Variants in GRIN3A observed in about 807,000 individuals in gnomAD.
The protein encoded by GRIN3A is glutamate ionotropic receptor NMDA type subunit 3A.
GRIN3A carries 47 observed loss-of-function variants against 92.4 expected under a neutral mutation model. The ratio of observed to expected loss-of-function variants is 0.51; its 90% CI spans 0.40 to 0.65. GRIN3A has a LOEUF of 0.65. Ranked by LOEUF, GRIN3A falls within the 30% of genes least tolerant of loss-of-function variation. GRIN3A has a pLI of 0.00. For synonymous variants in GRIN3A, 527 were observed against 540.6 expected, an observed-to-expected ratio of 0.97 and a Z score of 0.35; for missense variants, 1,324 against 1,393.1, an observed-to-expected ratio of 0.95 and a Z score of 0.79.
chr9:101,704,959 G>A lies in GRIN3A; in HGVS notation c.700-17759C>T, dbSNP rs75566288. Among the ~76,000 whole-genome samples the A allele has an allele frequency of 1.8e-3, 275 of 152,204 alleles. 1 individual carries two copies. Among genetic ancestry groups the A allele is most frequent in the African/African-American group, 6.1e-3 (255 of 41,534 alleles). On this transcript the variant is annotated intron_variant, in intron 1 of 8. Transcript: ENST00000361820. ...AATGAGCAAAACAGACATGTTCTCT[G>A]TCTTCCTGAGTCTCAAAAGGGAGGC... is the stretch of plus-strand genomic sequence containing the variant.
chr9:101,634,875 C>CG (rs1385735089), intron 3 of GRIN3A, among the ~76,000 whole-genome samples: 1 of 152,162 alleles, frequency 6.6e-6, no homozygotes, highest in Non-Finnish European at 1.5e-5. Flanking sequence ...AAGACACACT[C>CG]GGACTATCCT....
intron 8 of GRIN3A, among the ~76,000 whole-genome samples, chr9:101,575,168 C>A (rs1391417563): frequency 6.6e-6 from 1 of 152,204 alleles, no homozygotes; most frequent in African/African-American, 2.4e-5. Flanking sequence ...GGTTCTTTAA[C>A]ATGCCTCATA....
At chr9:101,642,580 C>T (rs982719747) in intron 3 of GRIN3A, among the ~76,000 whole-genome samples, 1 of 152,124 alleles carries the variant, frequency 6.6e-6, no homozygotes, top group Admixed American at 6.6e-5. Flanking sequence ...GCCATATACC[C>T]AAGCCATATC....
At chr9:101,735,712 A>G (rs1349014024) in intron 1 of GRIN3A, among the ~76,000 whole-genome samples, 4 of 151,926 alleles carry the variant, frequency 2.6e-5, no homozygotes, top group Admixed American at 1.3e-4. Context: ...CTGATTCTGC[A>G]TGTATATTAA....
At chr9:101,620,797 G>A (rs1828542029) in intron 5 of GRIN3A, among the ~76,000 whole-genome samples, 1 of 151,902 alleles carries the variant, frequency 6.6e-6, no homozygotes, top group Admixed American at 6.6e-5. Flanking sequence ...TACCTATACA[G>A]TCTAACTTAA....
intron 1 of GRIN3A, among the ~76,000 whole-genome samples, chr9:101,713,845 G>A (rs1442909310): frequency 2.0e-5 from 3 of 152,118 alleles, no homozygotes; most frequent in East Asian, 3.9e-4. Flanking sequence ...GGAGGCAGAG[G>A]TGGGAGGATT....
chr9:101,577,458 T>C (rs1827839603), intron 8 of GRIN3A, among the ~76,000 whole-genome samples: 1 of 152,288 alleles, frequency 6.6e-6, no homozygotes, highest in Admixed American at 6.5e-5. Flanking sequence ...ACTTTACAAA[T>C]GAGGAACTTG....
intron 5 of GRIN3A, among the ~76,000 whole-genome samples, chr9:101,622,995 A>AACACACACACAC (rs5899450): frequency 0.056 from 8,252 of 147,430 alleles, 287 homozygotes; most frequent in East Asian, 0.15. Context: ...CCTGCCACTA[A>AACACACACACAC]ACACACACAC....
At position 101,569,956 on chromosome 9, in the gene GRIN3A, G is replaced by A. The variant is rs988288900; in HGVS notation, c.*3218C>T. ...TGCTCCGCTTACCACTTTTCTGGCT[G>A]GAAGGGAAGCAGCAGCTCTTGATAG... On this transcript the variant is annotated 3_prime_UTR_variant, in exon 9 of 9. Transcript: ENST00000361820. The A allele has an allele frequency of 3.9e-5, 6 of 152,170 alleles. No individual in the cohort carries two copies. The highest frequency in any genetic ancestry group is 2.0e-4 in the Admixed American group (3 of 15,258). 9.4% of individuals were successfully genotyped at this position (152,170 alleles called of 1,614,324 possible). A position where few individuals can be genotyped will look rare whatever the true frequency, so the allele number is the denominator to read the frequency against.
chr9:101,689,908 G>T (rs1350801207), intron 1 of GRIN3A, among the ~76,000 whole-genome samples: 1 of 152,106 alleles, frequency 6.6e-6, no homozygotes, highest in Admixed American at 6.6e-5. Flanking sequence ...ATGGTTTGTT[G>T]TTTGCAAAAG....
chr9:101,635,561 G>T (rs1290697865), intron 3 of GRIN3A, among the ~76,000 whole-genome samples: 1 of 152,146 alleles, frequency 6.6e-6, no homozygotes, highest in Non-Finnish European at 1.5e-5. Context: ...AGTCATCTTT[G>T]CAGGTAAATA....
chr9:101,579,652 G>T (rs182475509), intron 6 of GRIN3A, among the ~76,000 whole-genome samples: 10 of 152,148 alleles, frequency 6.6e-5, no homozygotes, highest in Admixed American at 2.6e-4. Context: ...TGGGGACCCC[G>T]AAGAAACCTT....
chr9:101,582,548 G>A (rs1027496429), intron 6 of GRIN3A, among the ~76,000 whole-genome samples: 12 of 152,188 alleles, frequency 7.9e-5, no homozygotes, highest in African/African-American at 2.9e-4. Context: ...ACATCTCTGT[G>A]TGCAAATGGT....
intron 3 of GRIN3A, among the ~76,000 whole-genome samples, chr9:101,661,687 T>C (rs1829174015): frequency 6.6e-6 from 1 of 151,786 alleles, no homozygotes; most frequent in East Asian, 1.9e-4. Flanking sequence ...TGCAATAAGT[T>C]GTTGTCCACA....
intron 1 of GRIN3A, among the ~76,000 whole-genome samples, chr9:101,735,787 A>G (rs1830196765): frequency 6.6e-6 from 1 of 151,854 alleles, no homozygotes; most frequent in Admixed American, 6.6e-5. Context: ...AGCATTGTGT[A>G]TCTGTGTTTT....
chr9:101,686,370 G>T (rs944859284), intron 2 of GRIN3A, among the ~76,000 whole-genome samples: 3 of 152,080 alleles, frequency 2.0e-5, no homozygotes, highest in Non-Finnish European at 2.9e-5. Context: ...AGGTTTAAAG[G>T]CAGGATTGAG....
intron 1 of GRIN3A, among the ~76,000 whole-genome samples, chr9:101,722,503 A>G (rs919278953): frequency 2.0e-5 from 3 of 152,142 alleles, no homozygotes; most frequent in African/African-American, 7.2e-5. Context: ...CTTTTACCAT[A>G]TGCCTGGAAA....
At chr9:101,646,955 C>A (rs1202160913) in intron 3 of GRIN3A, among the ~76,000 whole-genome samples, 3 of 151,656 alleles carry the variant, frequency 2.0e-5, no homozygotes, top group Non-Finnish European at 4.4e-5. Context: ...GATAATTTGA[C>A]TTTTTCCTTT....
chr9:101,694,905 T>C (rs1188066016), intron 1 of GRIN3A, among the ~76,000 whole-genome samples: 2 of 152,162 alleles, frequency 1.3e-5, no homozygotes, highest in African/African-American at 4.8e-5. Context: ...AAAACCTTGG[T>C]CAGAACTTCA....
Sources: allele counts gnomAD v4.1 joint callset (sites outside exome capture counted in the v4.1 genomes callset), GRCh38; gene constraint gnomAD v4.1.1; transcripts MANE v1.5; gene names NCBI Gene and HGNC (gene_info 2026-07-23, HGNC 2026-07-21).